The following IRAK2 variants were observed in gnomAD, a reference collection of about 807,000 sequenced individuals.
The protein encoded by IRAK2 is interleukin 1 receptor associated kinase 2, also known as interleukin-1 receptor-associated kinase-like 2.
In IRAK2, 57 loss-of-function variants were observed where a neutral mutation model predicts 72.0. That is an observed-to-expected ratio of 0.79 (90% CI 0.64 to 0.99). The LOEUF (loss-of-function observed/expected upper bound fraction) is 0.99. Ranked by LOEUF, IRAK2 falls within the 50% of genes least tolerant of loss-of-function variation. IRAK2 has a pLI of 0.00. For synonymous variants in IRAK2, 293 were observed against 312.7 expected (o/e 0.94, Z 0.67); for missense variants, 790 against 794.4 (o/e 0.99, Z 0.07).
chr3:10,236,342 G>GTTTTTT (rs34423993), intron 11 of IRAK2, among the ~76,000 whole-genome samples: 1 of 99,666 alleles, frequency 1.0e-5, no homozygotes, highest in Non-Finnish European at 1.9e-5. Context: ...AGCCACTAAG[G>GTTTTTT]TTTTTTTTTT....
chr3:10,226,961 A>T (rs961554242), intron 10 of IRAK2, among the ~76,000 whole-genome samples: 6 of 150,102 alleles, frequency 4.0e-5, no homozygotes, highest in Middle Eastern at 3.2e-3. Flanking sequence ...AAAAAAAAAA[A>T]AAAAGATTTT....
intron 1 of IRAK2, among the ~76,000 whole-genome samples, chr3:10,175,909 A>AG (rs1460142871): frequency 6.7e-6 from 1 of 149,864 alleles, no homozygotes; most frequent in Non-Finnish European, 1.5e-5. Context: ...AAAAAAAAAA[A>AG]AAAAGAAAAG....
At chr3:10,171,224 T>C (rs1370534139) in intron 1 of IRAK2, among the ~76,000 whole-genome samples, 2 of 152,160 alleles carry the variant, frequency 1.3e-5, no homozygotes, top group Non-Finnish European at 2.9e-5. Context: ...TGTGTGGCCG[T>C]TCCCCGTCTC....
At chr3:10,226,197 A>G (rs1697772882) in intron 9 of IRAK2, among the ~76,000 whole-genome samples, 174 bp from the exon 10 acceptor site, 1 of 152,014 alleles carries the variant, frequency 6.6e-6, no homozygotes, top group African/African-American at 2.4e-5. Flanking sequence ...TGGCATCTTT[A>G]ATTGGAGGAG....
chr3:10,174,231 A>T (rs551756302), intron 1 of IRAK2, among the ~76,000 whole-genome samples: 1 of 152,180 alleles, frequency 6.6e-6, no homozygotes, highest in African/African-American at 2.4e-5. Flanking sequence ...GTTTCCAGTG[A>T]CTAACATAGC....
intron 2 of IRAK2, among the ~76,000 whole-genome samples, chr3:10,184,725 T>G (rs112011104): frequency 0.011 from 285 of 26,932 alleles, no homozygotes; most frequent in African/African-American, 0.033. Flanking sequence ...TTTTGTGTGT[T>G]TTTTTTTTTT....
chr3:10,223,105 T>G (rs1697721889), intron 9 of IRAK2, among the ~76,000 whole-genome samples: 1 of 152,194 alleles, frequency 6.6e-6, no homozygotes, highest in Admixed American at 6.5e-5. Context: ...GCTCACATAT[T>G]TACTGTGTGG....
At position 10,176,319 on chromosome 3, in the gene IRAK2, G is replaced by A. The variant is rs200896558; in HGVS notation, c.95-1519G>A. 1.4e-4 allele frequency among the ~76,000 whole-genome samples: 22 copies of A among 151,906 alleles called. No individual in the cohort carries two copies. The East Asian group carries it at 4.1e-3, about 28-fold the overall frequency. ...CATATCTTTTTTGTTGTTGTTTTTG[G>A]AGACAAGGTCTTGCTGTGTTGCCCA... On this transcript the variant is annotated intron_variant, in intron 1 of 12. Coordinates refer to ENST00000256458, the MANE Select transcript of IRAK2 (RefSeq NM_001570.4).
intron 2 of IRAK2, among the ~76,000 whole-genome samples, chr3:10,198,604 A>G (rs1486154872): frequency 6.6e-6 from 1 of 152,228 alleles, no homozygotes; most frequent in Non-Finnish European, 1.5e-5. Context: ...GAACTACCAG[A>G]GATTGTTGTG....
Position 10,243,117 on chromosome 3 carries a change from C to T in IRAK2, c.*889C>T, listed in dbSNP as rs1698086680. The stretch of plus-strand genomic sequence containing the variant: ...TGGCACGATCTCAGCTCACTGCAAG[C>T]TCTGCCTCTCAGGTTCAAGTGATTC... On this transcript the variant is annotated 3_prime_UTR_variant, in exon 13 of 13. Coordinates refer to ENST00000256458, the MANE Select transcript of IRAK2 (RefSeq NM_001570.4). The T allele has an allele frequency of 6.6e-6, 1 of 152,298 alleles. No individual in the cohort carries two copies. Among genetic ancestry groups the T allele is most frequent in the African/African-American group, 2.4e-5 (1 of 41,442 alleles). The allele number at this position is 152,298 out of a possible 1,614,324, so 9.4% of individuals were successfully genotyped here.
intron 7 of IRAK2, among the ~76,000 whole-genome samples, chr3:10,219,392 T>C (rs943972720): frequency 1.1e-4 from 16 of 152,058 alleles, no homozygotes; most frequent in African/African-American, 3.9e-4. Flanking sequence ...AATCTCGGCT[T>C]ACTGCAAGCT....
intron 1 of IRAK2, among the ~76,000 whole-genome samples, chr3:10,168,351 C>T (rs1018066059): frequency 1.3e-4 from 19 of 151,900 alleles, no homozygotes; most frequent in Non-Finnish European, 2.9e-5. Context: ...GCTGGGATTA[C>T]AGGCATGCAC....
rs376333194 is a variant in IRAK2 at position 10,226,354 on chromosome 3, C to A, written c.1210-17C>A. On this transcript the variant is annotated splice_polypyrimidine_tract_variant and intron_variant, in intron 9 of 12. Coordinates refer to ENST00000256458, the MANE Select transcript of IRAK2 (RefSeq NM_001570.4). ...CGAGCGTCTGAACCATGCTAACTCA[C>A]GTTCTGTTCTCTCCAGGTGTTGGCC... is the stretch of plus-strand genomic sequence containing the variant. 44 of 1,610,094 alleles carry A rather than the reference C, an allele frequency of 2.7e-5. No homozygotes were observed. In the African/African-American group the frequency reaches 5.3e-4, roughly 20 times the overall value.
chr3:10,227,502 T>C (rs1012915387), intron 10 of IRAK2, among the ~76,000 whole-genome samples: 3 of 152,066 alleles, frequency 2.0e-5, no homozygotes, highest in African/African-American at 7.2e-5. Flanking sequence ...ATACTTTCCA[T>C]ACATTATCTA....
chr3:10,213,015 G>C (rs11465893), intron 4 of IRAK2, among the ~76,000 whole-genome samples, 192 bp from the exon 5 acceptor site: 5 of 151,810 alleles, frequency 3.3e-5, no homozygotes, highest in Non-Finnish European at 7.4e-5. Flanking sequence ...TGATCCGCCC[G>C]CCTCGGCCTC....
In IRAK2 at chr3:10,242,167, T is replaced by A; in HGVS notation, c.1817T>A (p.Met606Lys). 1 of 1,613,750 alleles carries A rather than the reference T, an allele frequency of 6.2e-7. No homozygotes were observed. The highest frequency in any genetic ancestry group is 1.1e-5 in the South Asian group (1 of 91,044). The part of the protein sequence containing the change: ...IEINEAKRKL[M>K]ENILLYKEEK... ...ATCAATGAGGCCAAAAGGAAACTGA[T>A]GGAGAATATTCTGCTCTACAAAGAG... Residue 606 changes from methionine (M) to lysine (K), a missense_variant, in exon 13 of 13, where the codon ATG becomes AAG. Transcript: ENST00000256458.
At chr3:10,179,006 A>G (rs1335446514) in intron 2 of IRAK2, among the ~76,000 whole-genome samples, 1 of 151,478 alleles carries the variant, frequency 6.6e-6, no homozygotes, top group Non-Finnish European at 1.5e-5. Context: ...CTGGTCTTGA[A>G]CTCCTGGTCT....
chr3:10,192,915 G>A (rs1185185940), intron 2 of IRAK2, among the ~76,000 whole-genome samples: 1 of 152,060 alleles, frequency 6.6e-6, no homozygotes, highest in African/African-American at 2.4e-5. Context: ...CGAGACTATA[G>A]CAAATGATGG....
At chr3:10,196,271 C>T (rs972751783) in intron 2 of IRAK2, among the ~76,000 whole-genome samples, 5 of 152,340 alleles carry the variant, frequency 3.3e-5, no homozygotes, top group African/African-American at 9.6e-5. Context: ...TGCACCACCA[C>T]GCCTGGCTAA....
Sources: gnomAD v4.1 joint callset for allele counts (sites outside exome capture counted in the v4.1 genomes callset) on GRCh38, gnomAD v4.1.1 for gene constraint, MANE v1.5 for transcripts, NCBI Gene and HGNC (gene_info 2026-07-23, HGNC 2026-07-21) for gene names.